The following SYN3 variants were observed in gnomAD, a reference collection of about 807,000 sequenced individuals.
The protein encoded by SYN3 is synapsin-3.
In SYN3, 35 loss-of-function variants were observed where a neutral mutation model predicts 65.8. The observed-to-expected ratio is 0.53, with a 90% CI of 0.41 to 0.70. SYN3 has a LOEUF of 0.70. SYN3 is among the 30% of genes least tolerant of loss of function. The pLI is 0.00. For missense variants in SYN3, 680 were observed against 749.0 expected, an observed-to-expected ratio of 0.91 and a Z score of 1.08; for synonymous variants, 270 against 292.9, an observed-to-expected ratio of 0.92 and a Z score of 0.80.
At chr22:32,624,408 C>G (rs917696368) in intron 6 of SYN3, among the ~76,000 whole-genome samples, 4 of 152,202 alleles carry the variant, frequency 2.6e-5, no homozygotes, top group African/African-American at 9.6e-5. Flanking sequence ...TGGATACACA[C>G]CTGCCCGGTC....
intron 6 of SYN3, among the ~76,000 whole-genome samples, chr22:32,727,755 T>C (rs2061215768): frequency 6.6e-6 from 1 of 152,248 alleles, no homozygotes; most frequent in Non-Finnish European, 1.5e-5. Flanking sequence ...CTTTTTTGTG[T>C]TTGTTGGCTG....
intron 3 of SYN3, among the ~76,000 whole-genome samples, chr22:32,960,911 G>A (rs779227155): frequency 2.2e-4 from 34 of 152,130 alleles, no homozygotes; most frequent in Non-Finnish European, 2.2e-4. Context: ...CCTATCCTGA[G>A]GCTGCTAACA....
chr22:32,820,864 A>G (rs2047226924), intron 6 of SYN3, among the ~76,000 whole-genome samples: 1 of 152,218 alleles, frequency 6.6e-6, no homozygotes, highest in African/African-American at 2.4e-5. Flanking sequence ...TGTATGAATG[A>G]TAAAGAGCAG....
chr22:33,030,900 G>T (rs1313012714), intron 1 of SYN3, among the ~76,000 whole-genome samples: 5 of 152,114 alleles, frequency 3.3e-5, no homozygotes, highest in African/African-American at 1.2e-4. Context: ...GATAGAGACA[G>T]AGAGTGATAG....
chr22:32,533,708 T>A, intron 10 of SYN3, 85 bp downstream of exon 10: 1 of 919,858 alleles, frequency 1.1e-6, no homozygotes, highest in South Asian at 1.5e-5. Flanking sequence ...CAGCTGATGG[T>A]GCCAAAGACC....
intron 6 of SYN3, among the ~76,000 whole-genome samples, chr22:32,838,259 G>T (rs764831987): frequency 1.3e-5 from 2 of 152,174 alleles, no homozygotes; most frequent in African/African-American, 4.8e-5. Flanking sequence ...GGAGAAGGAG[G>T]GGGGGTGGCA....
chr22:32,557,161 G>T (rs751386774), intron 7 of SYN3, among the ~76,000 whole-genome samples: 3 of 152,068 alleles, frequency 2.0e-5, no homozygotes, highest in Non-Finnish European at 4.4e-5. Flanking sequence ...TTGCTCAAAC[G>T]GTGTATTAAA....
chr22:32,572,272 C>CTT (rs2058771738), intron 7 of SYN3, among the ~76,000 whole-genome samples: 1 of 48,624 alleles, frequency 2.1e-5, no homozygotes. Flanking sequence ...CCTTCCTTCC[C>CTT]CCCTCCCTCC....
At chr22:32,737,967 C>A (rs1352252683) in intron 6 of SYN3, among the ~76,000 whole-genome samples, 1 of 152,192 alleles carries the variant, frequency 6.6e-6, no homozygotes, top group Non-Finnish European at 1.5e-5. Flanking sequence ...TGACCCGTAT[C>A]AGATCTCACA....
At chr22:32,742,699 C>A (rs918078181) in intron 6 of SYN3, among the ~76,000 whole-genome samples, 1 of 152,206 alleles carries the variant, frequency 6.6e-6, no homozygotes, top group Non-Finnish European at 1.5e-5. Context: ...AGCCCATATT[C>A]TTTCCATTTT....
intron 10 of SYN3, among the ~76,000 whole-genome samples, chr22:32,532,620 C>T (rs567765382): frequency 1.4e-5 from 1 of 71,172 alleles, no homozygotes; most frequent in South Asian, 3.8e-4. Context: ...CTCCTCCTAC[C>T]TCCAAGGCCT....
chr22:32,621,848 G>A (rs548735613), intron 6 of SYN3, among the ~76,000 whole-genome samples: 19 of 152,226 alleles, frequency 1.2e-4, no homozygotes, highest in East Asian at 3.9e-4. Context: ...ACTCACTCAC[G>A]TTCACCCAGC....
chr22:32,736,517 A>G (rs1294464461), intron 6 of SYN3, among the ~76,000 whole-genome samples: 3 of 152,188 alleles, frequency 2.0e-5, no homozygotes, highest in African/African-American at 7.2e-5. Flanking sequence ...CACAGTGTTA[A>G]TGCTTTGTAT....
chr22:32,811,900 AAG>A (rs2046927005), intron 6 of SYN3, among the ~76,000 whole-genome samples: 1 of 152,178 alleles, frequency 6.6e-6, no homozygotes, highest in African/African-American at 2.4e-5. Flanking sequence ...AGGGTAGCCA[AAG>A]AGAGGGCCCT....
chr22:33,005,723 T>G (rs1201519296), intron 2 of SYN3, among the ~76,000 whole-genome samples: 3 of 152,226 alleles, frequency 2.0e-5, no homozygotes, highest in Non-Finnish European at 4.4e-5. Flanking sequence ...AGAGCTGAGA[T>G]GCACACTCAG....
rs116708072 is a variant in SYN3 at position 32,974,482 on chromosome 22, T to C, written c.369+6163A>G. On this transcript the variant is annotated intron_variant, in intron 3 of 13. Transcript: ENST00000358763. ...GACTGGGACCTATCAGAGACCTTTC[T>C]TCCTCCGGACTAAACATCTCCAGTT... Among the ~76,000 whole-genome samples, 590 of 152,358 alleles carry C rather than the reference T, an allele frequency of 3.9e-3. 4 individuals are homozygous for C. Among genetic ancestry groups the C allele is most frequent in the African/African-American group, 0.014 (567 of 41,584 alleles).
Position 33,048,772 on chromosome 22 carries a change from T to G in SYN3, c.-163+9520A>C, listed in dbSNP as rs112799266. On this transcript the variant is annotated intron_variant, in intron 1 of 13. Transcript: ENST00000358763. ...TTATAAATTACCCAGTCTCAGGTATTCCTTAATGGCAATGCAAAATGGACT... is the reference window on the plus strand; with the variant it reads ...TTATAAATTACCCAGTCTCAGGTATGCCTTAATGGCAATGCAAAATGGACT... Among the ~76,000 whole-genome samples, 92 of 152,306 alleles carry G rather than the reference T, an allele frequency of 6.0e-4. 1 individual carries two copies. In the Middle Eastern group the frequency reaches 0.014, roughly 23 times the overall value.
chr22:32,534,705 C>T (rs2058134753), intron 9 of SYN3, among the ~76,000 whole-genome samples: 1 of 152,180 alleles, frequency 6.6e-6, no homozygotes, highest in Non-Finnish European at 1.5e-5. Flanking sequence ...GCTTCTCACT[C>T]TCCAGGGTCA....
At chr22:32,910,134 GCTAC>G (rs1250871265) in intron 4 of SYN3, among the ~76,000 whole-genome samples, 1 of 152,106 alleles carries the variant, frequency 6.6e-6, no homozygotes, top group Non-Finnish European at 1.5e-5. Context: ...CACTGAGCAC[GCTAC>G]TTGCCCTCTC....
Sources: allele counts gnomAD v4.1 joint callset (sites outside exome capture counted in the v4.1 genomes callset), GRCh38; gene constraint gnomAD v4.1.1; transcripts MANE v1.5; gene names NCBI Gene and HGNC (gene_info 2026-07-23, HGNC 2026-07-21).